PIK3R3: variants seen among roughly 807,000 people sequenced by gnomAD.
PIK3R3 encodes the protein phosphatidylinositol 3-kinase regulatory subunit gamma.
A neutral mutation model predicts 62.9 loss-of-function variants in PIK3R3; 64 were observed. That is an observed-to-expected ratio of 1.02 (90% CI 0.83 to 1.25). The LOEUF is 1.25. PIK3R3 is among the 50% of genes most tolerant of loss of function. The probability of loss-of-function intolerance (pLI) is 0.00; values close to 1 mark genes in which losing one functional copy is unlikely to be tolerated. For synonymous variants in PIK3R3, 165 were observed against 189.0 expected (o/e 0.87, Z 1.04); for missense variants, 614 against 561.6 (o/e 1.09, Z -0.94).
intron 6 of PIK3R3, 187 bp from the exon 7 acceptor site, chr1:46,056,158 C>T (rs1310174702): frequency 1.4e-5 from 6 of 414,914 alleles, no homozygotes; most frequent in Non-Finnish European, 2.1e-5. Flanking sequence ...TCAAGCAATT[C>T]TCCTGCCTCA....
chr1:46,112,308 C>T lies in PIK3R3; in HGVS notation c.106+19539G>A, dbSNP rs145326340. Among the ~76,000 whole-genome samples the T allele has an allele frequency of 2.1e-3, 317 of 152,184 alleles. 2 individuals carry two copies. The highest frequency in any genetic ancestry group is 1.6e-3 in the Non-Finnish European group (107 of 68,004). Reference sequence around the variant, plus strand: ...GACTTATAACACATTCTCTGAGTTGCGAAATATTCCACAGTACAGGTAAAT... The same window carrying T: ...GACTTATAACACATTCTCTGAGTTGTGAAATATTCCACAGTACAGGTAAAT... On this transcript the variant is annotated intron_variant, in intron 1 of 9. Coordinates refer to ENST00000262741, the MANE Select transcript of PIK3R3 (RefSeq NM_003629.4).
At chr1:46,100,602 T>C (rs1173526034) in intron 1 of PIK3R3, among the ~76,000 whole-genome samples, 1 of 152,198 alleles carries the variant, frequency 6.6e-6, no homozygotes, top group African/African-American at 2.4e-5. Flanking sequence ...CAGTTTACTC[T>C]CCTACATACA....
intron 9 of PIK3R3, 85 bp from the exon 10 acceptor site, chr1:46,043,956 TG>T: frequency 8.6e-7 from 1 of 1,160,966 alleles, no homozygotes; most frequent in Non-Finnish European, 1.2e-6. Flanking sequence ...TGAGAGCAAT[TG>T]TTATGCAAAC....
At chr1:46,161,930 A>C in the PIK3R3 span, among the ~76,000 whole-genome samples, 5 of 150,652 alleles carry the variant, frequency 3.3e-5, no homozygotes, top group Non-Finnish European at 7.4e-5. Flanking sequence ...GTCTCTACTA[A>C]AAATACAAAA....
chr1:46,083,476 G>A (rs960220461), intron 1 of PIK3R3, among the ~76,000 whole-genome samples: 2 of 152,044 alleles, frequency 1.3e-5, no homozygotes, highest in Non-Finnish European at 2.9e-5. Context: ...ATGGGAGAAC[G>A]TTTTTGTAAG....
At chr1:46,171,340 C>T in the PIK3R3 span, among the ~76,000 whole-genome samples, 2 of 152,222 alleles carry the variant, frequency 1.3e-5, no homozygotes, top group African/African-American at 4.8e-5. Flanking sequence ...GTCCTCCTTG[C>T]ACTGCCCCAT....
chr1:46,095,276 T>C (rs1481548563), intron 1 of PIK3R3, among the ~76,000 whole-genome samples: 1 of 152,220 alleles, frequency 6.6e-6, no homozygotes, highest in East Asian at 1.9e-4. Context: ...GTGGTATATA[T>C]ACAGCATGGA....
At chr1:46,105,855 AT>A (rs1487439474) in intron 1 of PIK3R3, among the ~76,000 whole-genome samples, 1 of 152,146 alleles carries the variant, frequency 6.6e-6, no homozygotes, top group African/African-American at 2.4e-5. Context: ...AAAAAAATAA[AT>A]TAATTAATTA....
At chr1:46,045,644 T>TTTTTTTTTTCC (rs370501368) in intron 9 of PIK3R3, among the ~76,000 whole-genome samples, 24 of 82,596 alleles carry the variant, frequency 2.9e-4, no homozygotes, top group Non-Finnish European at 4.9e-4. Flanking sequence ...TTTTTTTTTT[T>TTTTTTTTTTCC]CAATTTAAGA....
At chr1:46,092,645 G>A (rs906001589) in intron 1 of PIK3R3, among the ~76,000 whole-genome samples, 11 of 152,182 alleles carry the variant, frequency 7.2e-5, no homozygotes, top group Non-Finnish European at 2.9e-5. Flanking sequence ...TTACAGGAGT[G>A]AGCCACCGCG....
the PIK3R3 span, among the ~76,000 whole-genome samples, chr1:46,155,010 C>T: frequency 6.6e-6 from 1 of 152,104 alleles, no homozygotes; most frequent in Non-Finnish European, 1.5e-5. Flanking sequence ...TGTTCAATGC[C>T]TATATCTTGA....
intron 3 of PIK3R3, among the ~76,000 whole-genome samples, chr1:46,068,518 A>G (rs1473969162): frequency 6.6e-6 from 1 of 152,090 alleles, no homozygotes; most frequent in Non-Finnish European, 1.5e-5. Flanking sequence ...GTCTGTTGGG[A>G]AAAAAAATAA....
At chr1:46,096,590 A>G (rs895282205) in intron 1 of PIK3R3, among the ~76,000 whole-genome samples, 5 of 152,230 alleles carry the variant, frequency 3.3e-5, no homozygotes, top group Admixed American at 3.3e-4. Flanking sequence ...CAGCATTAAT[A>G]TATTTTTAGA....
In PIK3R3 at chr1:46,043,633, A is replaced by G. The variant is rs749432896; in HGVS notation, c.*40T>C. 1.7e-5 allele frequency: 27 copies of G among 1,559,174 alleles called. No individual in the cohort carries two copies. The highest frequency in any genetic ancestry group is 2.1e-5 in the Non-Finnish European group (24 of 1,130,824). ...CATCGTAGTCTAATAAAAACTGTAG[A>G]AAAAAATGCCAGAGAACCACCTCTC... is the stretch of plus-strand genomic sequence containing the variant. On this transcript the variant is annotated 3_prime_UTR_variant, in exon 10 of 10. Coordinates refer to ENST00000262741, the MANE Select transcript of PIK3R3 (RefSeq NM_003629.4).
chr1:46,072,958 A>T (rs1373496364), intron 3 of PIK3R3, among the ~76,000 whole-genome samples: 2 of 146,974 alleles, frequency 1.4e-5, no homozygotes, highest in Admixed American at 6.8e-5. Flanking sequence ...AATATAAATA[A>T]ATATATATAT....
At chr1:46,153,467 A>G in the PIK3R3 span, among the ~76,000 whole-genome samples, 1 of 152,106 alleles carries the variant, frequency 6.6e-6, no homozygotes, top group Non-Finnish European at 1.5e-5. Flanking sequence ...ACAAGCAGCA[A>G]CCTATTTTGG....
chr1:46,080,458 A>C (rs1404127452), intron 2 of PIK3R3, among the ~76,000 whole-genome samples, 184 bp downstream of exon 2: 2 of 151,904 alleles, frequency 1.3e-5, no homozygotes, highest in African/African-American at 4.8e-5. Flanking sequence ...GCTGGAGTGC[A>C]ACAGAGTGCT....
intron 3 of PIK3R3, among the ~76,000 whole-genome samples, chr1:46,075,357 T>C (rs1349031038): frequency 1.3e-5 from 2 of 152,212 alleles, no homozygotes; most frequent in East Asian, 1.9e-4. Context: ...GGCTCACGCC[T>C]GTAATCCCAG....
chr1:46,157,750 G>A, the PIK3R3 span, among the ~76,000 whole-genome samples: 15 of 152,308 alleles, frequency 9.8e-5, no homozygotes, highest in African/African-American at 2.4e-4. Flanking sequence ...GGTGATGGCC[G>A]AAGTGCCCAA....
Sources: gnomAD v4.1 joint callset for allele counts (sites outside exome capture counted in the v4.1 genomes callset) on GRCh38, gnomAD v4.1.1 for gene constraint, MANE v1.5 for transcripts, NCBI Gene and HGNC (gene_info 2026-07-23, HGNC 2026-07-21) for gene names.